Variants in FUT8 observed in about 807,000 individuals in gnomAD.
FUT8 encodes alpha-(1,6)-fucosyltransferase.
In FUT8, 29 loss-of-function variants were observed where a neutral mutation model predicts 71.3. That is an observed-to-expected ratio of 0.41 (90% CI 0.30 to 0.55). The LOEUF is 0.55. Ranked by LOEUF, FUT8 falls within the 20% of genes least tolerant of loss-of-function variation. The probability of loss-of-function intolerance (pLI) is 0.34; values close to 1 mark genes in which losing one functional copy is unlikely to be tolerated. For missense variants in FUT8, 544 were observed against 702.1 expected (o/e 0.77, Z 2.55); for synonymous variants, 254 against 239.3 (o/e 1.06, Z -0.57).
chr14:65,464,201 T>A (rs1438247843), intron 2 of FUT8, among the ~76,000 whole-genome samples: 2 of 152,016 alleles, frequency 1.3e-5, no homozygotes, highest in African/African-American at 4.8e-5. Flanking sequence ...CCCCCTTTTA[T>A]CTTACAATCT....
chr14:65,703,623 C>G (rs2140490767), intron 7 of FUT8, among the ~76,000 whole-genome samples: 1 of 152,276 alleles, frequency 6.6e-6, no homozygotes, highest in East Asian at 1.9e-4. Flanking sequence ...TACTCCACAC[C>G]CCATCATCTT....
chr14:65,525,740 C>T (rs1883419997), intron 2 of FUT8, among the ~76,000 whole-genome samples: 2 of 152,112 alleles, frequency 1.3e-5, no homozygotes. Context: ...TAAATGTGTC[C>T]CAGAGATTCT....
chr14:65,415,154 G>T (rs1566732941), intron 1 of FUT8, among the ~76,000 whole-genome samples: 2 of 152,284 alleles, frequency 1.3e-5, no homozygotes, highest in African/African-American at 4.8e-5. Context: ...TTTTAAAAAT[G>T]CTGTTATATT....
chr14:65,405,630 G>C (rs916446267), upstream of FUT8, among the ~76,000 whole-genome samples: 1 of 152,128 alleles, frequency 6.6e-6, no homozygotes, highest in East Asian at 1.9e-4. Flanking sequence ...AATATTGGAA[G>C]GATACAGGGA....
chr14:65,712,357 G>C (rs1300226110), intron 7 of FUT8, among the ~76,000 whole-genome samples: 1 of 152,156 alleles, frequency 6.6e-6, no homozygotes. Context: ...TTAGCATCTA[G>C]TCTCTGAACT....
chr14:65,525,971 T>C (rs1307487127), intron 2 of FUT8, among the ~76,000 whole-genome samples: 1 of 152,216 alleles, frequency 6.6e-6, no homozygotes, highest in African/African-American at 2.4e-5. Flanking sequence ...TGAGGTGTGC[T>C]TTACTTCCAA....
chr14:65,435,661 G>A (rs2065544679), intron 1 of FUT8, among the ~76,000 whole-genome samples: 1 of 150,622 alleles, frequency 6.6e-6, no homozygotes, highest in African/African-American at 2.4e-5. Context: ...AAGCATATGT[G>A]TAATTTTGTA....
At chr14:65,661,025 G>A (rs1200590415) in intron 6 of FUT8, among the ~76,000 whole-genome samples, 1 of 152,168 alleles carries the variant, frequency 6.6e-6, no homozygotes, top group Non-Finnish European at 1.5e-5. Flanking sequence ...TCTGATTAGA[G>A]CAGACAAAGA....
intron 2 of FUT8, among the ~76,000 whole-genome samples, chr14:65,474,787 C>A (rs1347528299): frequency 6.6e-6 from 1 of 152,054 alleles, no homozygotes; most frequent in Non-Finnish European, 1.5e-5. Context: ...CTACACAGTT[C>A]ATTTTATTGT....
intron 3 of FUT8, among the ~76,000 whole-genome samples, chr14:65,588,492 T>C (rs1454084026): frequency 2.6e-5 from 4 of 152,238 alleles, no homozygotes; most frequent in African/African-American, 9.6e-5. Flanking sequence ...AAATTATGAA[T>C]CTGACATTTC....
intron 7 of FUT8, among the ~76,000 whole-genome samples, chr14:65,677,151 T>TGCGTGTGCGC (rs1555383260): frequency 9.0e-6 from 1 of 110,702 alleles, no homozygotes; most frequent in Non-Finnish European, 1.8e-5. Flanking sequence ...TGTGTGTGTG[T>TGCGTGTGCGC]GCGCGCGCGC....
intron 2 of FUT8, among the ~76,000 whole-genome samples, chr14:65,486,607 T>C (rs145645861): frequency 0.012 from 1,843 of 152,350 alleles, 15 homozygotes; most frequent in South Asian, 0.024. Context: ...TTGTTTCTTA[T>C]AGATGGTAGC....
At chr14:65,418,376 T>C (rs760815184) in intron 1 of FUT8, among the ~76,000 whole-genome samples, 1 of 152,222 alleles carries the variant, frequency 6.6e-6, no homozygotes, top group Non-Finnish European at 1.5e-5. Context: ...AAATGAGATA[T>C]CAAATTCTAA....
At chr14:65,741,568 T>A (rs921084612) in intron 10 of FUT8, among the ~76,000 whole-genome samples, 2 of 151,044 alleles carry the variant, frequency 1.3e-5, no homozygotes, top group African/African-American at 2.4e-5. Context: ...AAGTATAATT[T>A]AAAAAAAAAG....
At chr14:65,520,493 CTTAAT>C (rs1883007652) in intron 2 of FUT8, among the ~76,000 whole-genome samples, 1 of 152,034 alleles carries the variant, frequency 6.6e-6, no homozygotes, top group Non-Finnish European at 1.5e-5. Context: ...TACCTATTTT[CTTAAT>C]TTATTTCAAT....
At chr14:65,429,069 T>G (rs1293778139) in intron 1 of FUT8, among the ~76,000 whole-genome samples, 2 of 152,204 alleles carry the variant, frequency 1.3e-5, no homozygotes, top group Non-Finnish European at 2.9e-5. Context: ...ATGTGTGTGT[T>G]TGTAACAGGA....
At chr14:65,480,099 A>G (rs1302922552) in intron 2 of FUT8, among the ~76,000 whole-genome samples, 2 of 152,142 alleles carry the variant, frequency 1.3e-5, no homozygotes, top group Non-Finnish European at 2.9e-5. Flanking sequence ...AAATGTGATT[A>G]GAACAGAAAT....
intron 10 of FUT8, 98 bp from the exon 11 acceptor site, chr14:65,741,993 CCT>C (rs1594957043): frequency 1.1e-6 from 1 of 894,890 alleles, no homozygotes; most frequent in East Asian, 2.5e-5. Flanking sequence ...TACTTTTCAA[CCT>C]CTTACTCCTA....
At chr14:65,382,943 A>AT in the FUT8 span, among the ~76,000 whole-genome samples, 51 of 151,990 alleles carry the variant, frequency 3.4e-4, no homozygotes, top group African/African-American at 1.2e-3. Context: ...CTTCTGTGTT[A>AT]TAGGGTCACC....
Sources: allele counts gnomAD v4.1 joint callset (sites outside exome capture counted in the v4.1 genomes callset), GRCh38; gene constraint gnomAD v4.1.1; transcripts MANE v1.5; gene names NCBI Gene and HGNC (gene_info 2026-07-23, HGNC 2026-07-21).